KIAA1328: variants seen among roughly 807,000 people sequenced by gnomAD.
KIAA1328 encodes the protein KIAA1328.
In KIAA1328, 52 loss-of-function variants were observed where a neutral mutation model predicts 68.1. The observed-to-expected ratio is 0.76, with a 90% CI of 0.61 to 0.96. The LOEUF is 0.96. Among genes scored for constraint, KIAA1328 ranks in the 40% least tolerant of loss-of-function variants. KIAA1328 has a pLI of 0.00. For synonymous variants in KIAA1328, 232 were observed against 239.4 expected, an observed-to-expected ratio of 0.97 and a Z score of 0.28; for missense variants, 641 against 677.6, an observed-to-expected ratio of 0.95 and a Z score of 0.60.
intron 8 of KIAA1328, among the ~76,000 whole-genome samples, chr18:37,168,693 A>G (rs2059437605): frequency 6.6e-6 from 1 of 152,220 alleles, no homozygotes; most frequent in Non-Finnish European, 1.5e-5. Context: ...ACTATAAAGA[A>G]TAGAAGGAAA....
intron 4 of KIAA1328, among the ~76,000 whole-genome samples, chr18:36,859,565 C>G (rs969987221): frequency 2.7e-5 from 4 of 148,606 alleles, no homozygotes; most frequent in Non-Finnish European, 4.5e-5. Context: ...CCCTGTCTCC[C>G]TCTCTCCCTC....
intron 7 of KIAA1328, among the ~76,000 whole-genome samples, chr18:37,110,889 G>A (rs1187434319): frequency 2.0e-5 from 3 of 152,096 alleles, no homozygotes; most frequent in African/African-American, 7.2e-5. Context: ...ACAGAAAAAA[G>A]TTTACATTGA....
At chr18:36,950,154 T>C (rs2051100954) in intron 5 of KIAA1328, among the ~76,000 whole-genome samples, 1 of 152,238 alleles carries the variant, frequency 6.6e-6, no homozygotes, top group Non-Finnish European at 1.5e-5. Context: ...AAATGTGTAC[T>C]CTTTTTTTCA....
chr18:36,836,773 C>G (rs1341821107), intron 3 of KIAA1328, among the ~76,000 whole-genome samples: 1 of 152,070 alleles, frequency 6.6e-6, no homozygotes, highest in Non-Finnish European at 1.5e-5. Flanking sequence ...AACCCCATAC[C>G]AATTAGGCAC....
intron 5 of KIAA1328, among the ~76,000 whole-genome samples, chr18:36,888,235 ATTCCTT>A (rs1189521880): frequency 6.6e-6 from 1 of 152,144 alleles, no homozygotes; most frequent in East Asian, 1.9e-4. Flanking sequence ...AGCCATACTC[ATTCCTT>A]TATGTATTGT....
intron 7 of KIAA1328, among the ~76,000 whole-genome samples, chr18:37,127,691 TC>T (rs1424874994): frequency 1.3e-5 from 2 of 152,242 alleles, no homozygotes; most frequent in African/African-American, 4.8e-5. Context: ...GCAATCCAAA[TC>T]AAACTCCTGG....
At chr18:37,149,271 C>T (rs2154209553) in intron 7 of KIAA1328, among the ~76,000 whole-genome samples, 1 of 152,206 alleles carries the variant, frequency 6.6e-6, no homozygotes, top group South Asian at 2.1e-4. Context: ...CATCTACAAC[C>T]ACCTGATCTT....
At chr18:37,155,676 A>C (rs1428984768) in intron 7 of KIAA1328, among the ~76,000 whole-genome samples, 6 of 152,120 alleles carry the variant, frequency 3.9e-5, no homozygotes, top group Non-Finnish European at 7.3e-5. Flanking sequence ...TTTTCTCCTG[A>C]GAGCCTTTCA....
chr18:36,834,376 A>C (rs2046600683), intron 2 of KIAA1328, 21 bp downstream of exon 2: 1 of 1,573,118 alleles, frequency 6.4e-7, no homozygotes, highest in African/African-American at 1.4e-5. Context: ...CTATGTTAAA[A>C]TTTGGGAAGC....
chr18:37,181,654 C>A (rs2059700776), intron 9 of KIAA1328, among the ~76,000 whole-genome samples: 1 of 152,228 alleles, frequency 6.6e-6, no homozygotes, highest in East Asian at 1.9e-4. Flanking sequence ...AGAAGCTTGT[C>A]AAGACATTCT....
chr18:36,989,735 C>T (rs1203029350), intron 6 of KIAA1328, among the ~76,000 whole-genome samples: 3 of 152,054 alleles, frequency 2.0e-5, no homozygotes, highest in African/African-American at 4.8e-5. Context: ...AGCTCTGTCG[C>T]CCAGGCTGGA....
intron 4 of KIAA1328, among the ~76,000 whole-genome samples, chr18:36,871,954 G>A (rs2047960026): frequency 6.6e-6 from 1 of 152,070 alleles, no homozygotes; most frequent in African/African-American, 2.4e-5. Flanking sequence ...TTCTTCTTAG[G>A]CCCCACTTGG....
chr18:37,011,601 T>C (rs1001118080), intron 6 of KIAA1328, among the ~76,000 whole-genome samples: 1 of 152,202 alleles, frequency 6.6e-6, no homozygotes, highest in East Asian at 1.9e-4. Flanking sequence ...TTTATTGATA[T>C]TCACTAAAAA....
chr18:37,003,130 T>C (rs1036011840), intron 6 of KIAA1328, among the ~76,000 whole-genome samples: 1 of 152,088 alleles, frequency 6.6e-6, no homozygotes, highest in Non-Finnish European at 1.5e-5. Context: ...GGGAAAATTG[T>C]ATTACTGCAT....
intron 9 of KIAA1328, among the ~76,000 whole-genome samples, chr18:37,218,210 A>C (rs543029896): frequency 4.6e-5 from 7 of 152,384 alleles, no homozygotes; most frequent in East Asian, 1.9e-4. Context: ...CCTTCATTAT[A>C]GTTAGATATA....
intron 6 of KIAA1328, among the ~76,000 whole-genome samples, chr18:36,989,756 A>C (rs978215790): frequency 6.6e-6 from 1 of 151,942 alleles, no homozygotes; most frequent in African/African-American, 2.4e-5. Context: ...GTGCAGTGGC[A>C]CGATCTCGGC....
At chr18:37,026,341 GA>G (rs2054579603) in intron 6 of KIAA1328, among the ~76,000 whole-genome samples, 1 of 152,056 alleles carries the variant, frequency 6.6e-6, no homozygotes, top group Non-Finnish European at 1.5e-5. Flanking sequence ...CCAATCAATA[GA>G]AAAAGAAGGA....
At chr18:36,929,784 C>G (rs1018188494) in intron 5 of KIAA1328, among the ~76,000 whole-genome samples, 2 of 152,062 alleles carry the variant, frequency 1.3e-5, no homozygotes, top group African/African-American at 2.4e-5. Context: ...GGCTCCTCAC[C>G]AGAACCCAAC....
At chr18:36,843,138 T>C (rs930792408) in intron 3 of KIAA1328, among the ~76,000 whole-genome samples, 3 of 152,202 alleles carry the variant, frequency 2.0e-5, no homozygotes, top group African/African-American at 7.2e-5. Flanking sequence ...TTTAAATCTT[T>C]ATGATTTTCT....
Sources: gnomAD v4.1 joint callset for allele counts (sites outside exome capture counted in the v4.1 genomes callset) on GRCh38, gnomAD v4.1.1 for gene constraint, MANE v1.5 for transcripts, NCBI Gene and HGNC (gene_info 2026-07-23, HGNC 2026-07-21) for gene names.